The following ADIPOR2 variants were observed in gnomAD, a reference collection of about 807,000 sequenced individuals.
ADIPOR2 encodes the protein adiponectin receptor protein 2.
In ADIPOR2, 18 loss-of-function variants were observed where a neutral mutation model predicts 40.9. The ratio of observed to expected loss-of-function variants is 0.44; its 90% CI spans 0.30 to 0.65. The LOEUF is 0.65. ADIPOR2 is among the 30% of genes least tolerant of loss of function. The pLI is 0.09. For synonymous variants in ADIPOR2, 165 were observed against 166.4 expected (o/e 0.99, Z 0.06); for missense variants, 283 against 479.2 (o/e 0.59, Z 3.82).
intron 1 of ADIPOR2, among the ~76,000 whole-genome samples, chr12:1,705,714 C>T (rs1218951576): frequency 2.0e-5 from 3 of 152,010 alleles, no homozygotes; most frequent in Admixed American, 6.6e-5. Context: ...TGAGGATAAC[C>T]GTTGTAATAT....
chr12:1,725,618 T>C (rs531731805), intron 1 of ADIPOR2, among the ~76,000 whole-genome samples: 1 of 152,308 alleles, frequency 6.6e-6, no homozygotes, highest in East Asian at 1.9e-4. Context: ...TAAAACTAAG[T>C]ACATCATTTA....
chr12:1,736,337 C>T (rs1193552474), intron 1 of ADIPOR2, among the ~76,000 whole-genome samples: 2 of 152,072 alleles, frequency 1.3e-5, no homozygotes, highest in Non-Finnish European at 2.9e-5. Context: ...GTGTATGTGT[C>T]GAGGAATTTA....
chr12:1,777,238 A>G (rs1862613997), intron 3 of ADIPOR2, among the ~76,000 whole-genome samples: 1 of 152,110 alleles, frequency 6.6e-6, no homozygotes, highest in African/African-American at 2.4e-5. Context: ...GAAGGAGGTC[A>G]GTATGAGTGA....
intron 1 of ADIPOR2, among the ~76,000 whole-genome samples, chr12:1,746,915 G>A (rs1042843238): frequency 2.0e-5 from 3 of 152,080 alleles, no homozygotes; most frequent in Non-Finnish European, 4.4e-5. Context: ...TGTTGTCCCA[G>A]CTACTTGGAA....
chr12:1,708,162 G>A (rs992085799), intron 1 of ADIPOR2, among the ~76,000 whole-genome samples: 2 of 148,918 alleles, frequency 1.3e-5, no homozygotes, highest in Non-Finnish European at 3.0e-5. Context: ...AAAGTATAAG[G>A]AAGATGTGCA....
intron 1 of ADIPOR2, among the ~76,000 whole-genome samples, chr12:1,728,958 GTTTTTTTTTT>G (rs66842156): frequency 7.3e-5 from 8 of 110,026 alleles, no homozygotes; most frequent in East Asian, 2.7e-4. Context: ...GTTCTGGACT[GTTTTTTTTTT>G]TTTTTTTTTT....
chr12:1,691,899 C>T (rs1217304569), intron 1 of ADIPOR2, among the ~76,000 whole-genome samples: 12 of 152,138 alleles, frequency 7.9e-5, no homozygotes, highest in Non-Finnish European at 1.5e-5. Context: ...ATTTTGACAA[C>T]TTCATAAGAT....
chr12:1,702,314 C>T (rs531903149), intron 1 of ADIPOR2, among the ~76,000 whole-genome samples: 1 of 152,086 alleles, frequency 6.6e-6, no homozygotes, highest in East Asian at 1.9e-4. Flanking sequence ...GGTGAATTAC[C>T]CAGAAGTGCA....
chr12:1,702,463 T>C (rs2094652381), intron 1 of ADIPOR2, among the ~76,000 whole-genome samples: 1 of 152,182 alleles, frequency 6.6e-6, no homozygotes, highest in Non-Finnish European at 1.5e-5. Context: ...TTAATGGCAT[T>C]GTCAGATTTT....
intron 1 of ADIPOR2, among the ~76,000 whole-genome samples, chr12:1,730,215 T>C (rs1461126309): frequency 1.3e-5 from 2 of 151,812 alleles, no homozygotes; most frequent in African/African-American, 4.8e-5. Flanking sequence ...CTATTAGGGG[T>C]ATTAAAGTTT....
At chr12:1,778,066 T>C (rs752575431) in intron 4 of ADIPOR2, 41 bp downstream of exon 4, 2 of 1,567,436 alleles carry the variant, frequency 1.3e-6, no homozygotes, top group Admixed American at 3.7e-5. Context: ...TGATTCACTT[T>C]CTTCCTTTTT....
In ADIPOR2 at chr12:1,722,833, G is replaced by A. The variant is rs184072268; in HGVS notation, c.-86-31425G>A. ...GTGACATGAGAGTCCTTAGTTTAGGGAAGTTAAGTGACAGTCCAGGTAGAA... is the reference window on the plus strand; with the variant it reads ...GTGACATGAGAGTCCTTAGTTTAGGAAAGTTAAGTGACAGTCCAGGTAGAA... On this transcript the variant is annotated intron_variant, in intron 1 of 7. Transcript: ENST00000357103. Among the ~76,000 whole-genome samples the A allele has an allele frequency of 4.6e-5, 7 of 152,334 alleles. No homozygotes were observed. The East Asian group carries it at 1.3e-3, about 29-fold the overall frequency.
At chr12:1,745,960 A>G (rs1193172941) in intron 1 of ADIPOR2, among the ~76,000 whole-genome samples, 1 of 152,104 alleles carries the variant, frequency 6.6e-6, no homozygotes, top group Non-Finnish European at 1.5e-5. Flanking sequence ...GTAGTCCAAA[A>G]TTCAGAAGTT....
intron 4 of ADIPOR2, chr12:1,778,246 T>C: frequency 2.2e-6 from 1 of 453,846 alleles, no homozygotes; most frequent in East Asian, 5.0e-5. Context: ...TACTAGATTT[T>C]CAGATCTTGT....
intron 2 of ADIPOR2, among the ~76,000 whole-genome samples, 172 bp downstream of exon 2, chr12:1,754,686 T>C (rs1417838964): frequency 9.1e-6 from 1 of 110,034 alleles, no homozygotes; most frequent in Non-Finnish European, 2.0e-5. Flanking sequence ...GTCTCTTATC[T>C]TTATTATTAT....
chr12:1,733,279 C>T (rs2094724064), intron 1 of ADIPOR2, among the ~76,000 whole-genome samples: 1 of 152,130 alleles, frequency 6.6e-6, no homozygotes, highest in Admixed American at 6.5e-5. Context: ...AGGTAGCTAA[C>T]ACGGGCTTGA....
chr12:1,783,673 G>A (rs1387039689), intron 6 of ADIPOR2, among the ~76,000 whole-genome samples: 2 of 152,204 alleles, frequency 1.3e-5, no homozygotes, highest in Non-Finnish European at 2.9e-5. Context: ...CCTTGCATTT[G>A]TAAATCTTTA....
intron 2 of ADIPOR2, among the ~76,000 whole-genome samples, chr12:1,767,660 G>T (rs1351332616): frequency 6.6e-6 from 1 of 152,132 alleles, no homozygotes; most frequent in African/African-American, 2.4e-5. Flanking sequence ...ACTAAGCCAG[G>T]TTTATTACAT....
intron 1 of ADIPOR2, among the ~76,000 whole-genome samples, chr12:1,721,205 CTTTTTTTTT>C (rs59268943): frequency 1.0e-3 from 61 of 58,206 alleles, no homozygotes; most frequent in African/African-American, 3.5e-3. Context: ...ATAAAATAAA[CTTTTTTTTT>C]TTTTTTTTTT....
Sources: allele counts gnomAD v4.1 joint callset (sites outside exome capture counted in the v4.1 genomes callset), GRCh38; gene constraint gnomAD v4.1.1; transcripts MANE v1.5; gene names NCBI Gene and HGNC (gene_info 2026-07-23, HGNC 2026-07-21).